The following BLM variants were observed in gnomAD, a reference collection of about 807,000 sequenced individuals.
The protein encoded by BLM is recQ-like DNA helicase BLM.
BLM carries 95 observed loss-of-function variants against 135.3 expected under a neutral mutation model. The ratio of observed to expected loss-of-function variants is 0.70; its 90% CI spans 0.59 to 0.83. The LOEUF (loss-of-function observed/expected upper bound fraction) is 0.83, where lower values mean the gene tolerates loss of function less well. BLM is among the 40% of genes least tolerant of loss of function. BLM has a pLI of 0.00. For missense variants in BLM, 1,518 were observed against 1,663.9 expected, an observed-to-expected ratio of 0.91 and a Z score of 1.53; for synonymous variants, 520 against 589.2, an observed-to-expected ratio of 0.88 and a Z score of 1.70.
At chr15:90,784,003 A>G (rs1234231623) in intron 13 of BLM, among the ~76,000 whole-genome samples, 1 of 152,108 alleles carries the variant, frequency 6.6e-6, no homozygotes, top group Non-Finnish European at 1.5e-5. Flanking sequence ...TTTTCTATGC[A>G]TTTTTTTCTA....
At chr15:90,732,574 C>T (rs541792914) in intron 1 of BLM, among the ~76,000 whole-genome samples, 1 of 144,420 alleles carries the variant, frequency 6.9e-6, no homozygotes, top group African/African-American at 2.5e-5. Context: ...AATGAAAACA[C>T]AGCATATCAG....
At chr15:90,756,744 G>A (rs1434817304) in intron 5 of BLM, among the ~76,000 whole-genome samples, 1 of 152,152 alleles carries the variant, frequency 6.6e-6, no homozygotes, top group Non-Finnish European at 1.5e-5. Context: ...TTTATCCATG[G>A]AGACACAAAA....
At chr15:90,798,443 CTT>C in intron 17 of BLM, 106 bp downstream of exon 17, 2 of 1,215,924 alleles carry the variant, frequency 1.6e-6, no homozygotes, top group East Asian at 2.4e-5. Context: ...TCTTATAAAA[CTT>C]GAGTTTCTGA....
chr15:90,793,373 G>T (rs1422728903), intron 15 of BLM, among the ~76,000 whole-genome samples: 1 of 152,078 alleles, frequency 6.6e-6, no homozygotes, highest in Non-Finnish European at 1.5e-5. Context: ...GACCTCAGGT[G>T]ATCCGCCCAC....
At chr15:90,726,279 T>C (rs1425867755) in intron 1 of BLM, among the ~76,000 whole-genome samples, 1 of 152,134 alleles carries the variant, frequency 6.6e-6, no homozygotes, top group Admixed American at 6.5e-5. Context: ...TTTTCTTTCC[T>C]TTTTTTGAGA....
intron 12 of BLM, among the ~76,000 whole-genome samples, chr15:90,777,760 A>G (rs147006777): frequency 3.5e-4 from 54 of 152,316 alleles, no homozygotes; most frequent in Admixed American, 9.2e-4. Flanking sequence ...TTTTCACAGA[A>G]TTGTACAACC....
At chr15:90,754,967 T>C (rs1366503295) in intron 5 of BLM, 29 bp downstream of exon 5, 1 of 1,611,870 alleles carries the variant, frequency 6.2e-7, no homozygotes, top group African/African-American at 1.3e-5. Context: ...ACATACCATG[T>C]ATTTCAACTA....
At chr15:90,775,628 C>T (rs1447074955) in intron 12 of BLM, among the ~76,000 whole-genome samples, 1 of 151,930 alleles carries the variant, frequency 6.6e-6, no homozygotes, top group Non-Finnish European at 1.5e-5. Context: ...TCTCCCGCCT[C>T]AGCCTCCTGA....
rs1896652959 is a variant in BLM, at chr15:90,782,886, G to A, written c.2620G>A (p.Val874Met). The A allele has an allele frequency of 6.2e-7, 1 of 1,613,938 alleles. No individual in the cohort carries two copies. The highest frequency in any genetic ancestry group is 8.5e-7 in the Non-Finnish European group (1 of 1,179,848). ...YYVLPKKPKK[V>M]AFDCLEWIRK... ...TGTATTACCGAAAAAGCCTAAAAAG[G>A]TGGCATTTGATTGCCTAGAATGGAT... The change falls in exon 13 of 22, where the codon GTG (valine) becomes ATG (methionine). Residue 874 changes from valine (V) to methionine (M), a missense_variant. By Grantham distance (21) the Val-to-Met change is conservative (BLOSUM62 1). Coordinates refer to ENST00000355112, the MANE Select transcript of BLM (RefSeq NM_000057.4).
At chr15:90,794,103 T>G in intron 15 of BLM, 64 bp from the exon 16 acceptor site, 2 of 1,226,704 alleles carry the variant, frequency 1.6e-6, no homozygotes, top group Non-Finnish European at 2.3e-6. Flanking sequence ...ATTCTAAATA[T>G]TTCTATGATA....
intron 1 of BLM, among the ~76,000 whole-genome samples, chr15:90,728,490 A>G (rs1286259216): frequency 6.6e-6 from 1 of 152,144 alleles, no homozygotes; most frequent in Non-Finnish European, 1.5e-5. Flanking sequence ...ACCGCCTTCC[A>G]GGCTCAAGCA....
chr15:90,720,503 A>G (rs1308818267), intron 1 of BLM, among the ~76,000 whole-genome samples: 1 of 152,236 alleles, frequency 6.6e-6, no homozygotes, highest in Non-Finnish European at 1.5e-5. Flanking sequence ...AATTTCAGCT[A>G]TAAAATTAGT....
At chr15:90,810,710 A>T (rs989038632) in intron 20 of BLM, among the ~76,000 whole-genome samples, 3 of 152,226 alleles carry the variant, frequency 2.0e-5, no homozygotes, top group African/African-American at 7.2e-5. Context: ...TAAAGAGTAA[A>T]ATAGGATCTA....
intron 1 of BLM, among the ~76,000 whole-genome samples, chr15:90,721,889 C>T (rs970905792): frequency 6.6e-6 from 1 of 151,488 alleles, no homozygotes; most frequent in Non-Finnish European, 1.5e-5. Flanking sequence ...CGAGATCACA[C>T]CACTCCACTC....
chr15:90,804,474 TTTG>T (rs1897242366), intron 19 of BLM, 115 bp downstream of exon 19: 2 of 1,254,996 alleles, frequency 1.6e-6, no homozygotes, highest in East Asian at 4.7e-5. Flanking sequence ...CTTTTTGGGG[TTTG>T]TTTTGAGACG....
chr15:90,744,405 G>C (rs1466599223), intron 1 of BLM, among the ~76,000 whole-genome samples: 1 of 152,026 alleles, frequency 6.6e-6, no homozygotes, highest in Admixed American at 6.6e-5. Flanking sequence ...ACAGAGTCTA[G>C]CTCTGTCACC....
intron 13 of BLM, among the ~76,000 whole-genome samples, chr15:90,784,566 C>T (rs1237237921): frequency 6.6e-6 from 1 of 151,644 alleles, no homozygotes; most frequent in Non-Finnish European, 1.5e-5. Context: ...GAACTCCCGA[C>T]CTCAAATGAT....
rs369543383 is a variant in BLM, at chr15:90,793,281, C to T, written c.3020-886C>T. On this transcript the variant is annotated intron_variant, in intron 15 of 21. Coordinates refer to ENST00000355112, the MANE Select transcript of BLM (RefSeq NM_000057.4). ...TCCCGACTAGCAGGGATTACAGGCT[C>T]GCACCACCACACCCAGCTAATTTTT... 4.6e-5 allele frequency among the ~76,000 whole-genome samples: 7 copies of T among 151,836 alleles called. No homozygotes were observed. The East Asian group carries it at 9.7e-4, about 21-fold the overall frequency.
intron 9 of BLM, among the ~76,000 whole-genome samples, chr15:90,765,747 C>T (rs559061219): frequency 7.9e-5 from 12 of 152,310 alleles, no homozygotes; most frequent in African/African-American, 2.4e-4. Context: ...TACACACATG[C>T]ATGCCTGCAC....
Sources: gnomAD v4.1 joint callset for allele counts (sites outside exome capture counted in the v4.1 genomes callset) on GRCh38, gnomAD v4.1.1 for gene constraint, MANE v1.5 for transcripts, NCBI Gene and HGNC (gene_info 2026-07-23, HGNC 2026-07-21) for gene names.